Variants in CACNA1H observed in about 807,000 individuals in gnomAD.
The protein encoded by CACNA1H is voltage-dependent T-type calcium channel subunit alpha-1H.
In CACNA1H, 149 loss-of-function variants were observed where a neutral mutation model predicts 192.5. The observed-to-expected ratio is 0.77, with a 90% CI of 0.68 to 0.89. The LOEUF is 0.89. Among genes scored for constraint, CACNA1H ranks in the 40% least tolerant of loss-of-function variants. CACNA1H has a pLI of 0.00. For missense variants in CACNA1H, 4,257 were observed against 3,423.5 expected (o/e 1.24, Z -6.08); for synonymous variants, 2,202 against 1,475.2 (o/e 1.49, Z -11.29).
intron 26 of CACNA1H, 73 bp downstream of exon 26, chr16:1,212,601 G>T: frequency 5.8e-6 from 9 of 1,545,682 alleles, no homozygotes; most frequent in Non-Finnish European, 7.9e-6. Context: ...GGCATCCCAG[G>T]CCTGCTGGGG....
At chr16:1,218,744 A>G in intron 33 of CACNA1H, 93 bp downstream of exon 33, 1 of 1,304,136 alleles carries the variant, frequency 7.7e-7, no homozygotes, top group Admixed American at 2.2e-5. Context: ...GTCAGGCCAG[A>G]GCAGGGCAAG....
chr16:1,176,370 C>A (rs1439949604), intron 2 of CACNA1H, among the ~76,000 whole-genome samples: 1 of 152,226 alleles, frequency 6.6e-6, no homozygotes, highest in Non-Finnish European at 1.5e-5. Context: ...GACAGCCAGG[C>A]ATGGGTCTGG....
intron 2 of CACNA1H, among the ~76,000 whole-genome samples, chr16:1,154,949 C>T (rs1001967963): frequency 6.6e-6 from 1 of 152,144 alleles, no homozygotes; most frequent in Non-Finnish European, 1.5e-5. Flanking sequence ...TCTGAGCCGG[C>T]AGCTGGGGTG....
At chr16:1,190,245 G>A (rs542371079) in intron 2 of CACNA1H, among the ~76,000 whole-genome samples, 64 of 152,380 alleles carry the variant, frequency 4.2e-4, no homozygotes, top group Middle Eastern at 6.8e-3. Flanking sequence ...TCTCCGACCC[G>A]CAGTGGAAAT....
chr16:1,208,366 C>T (rs961033794), intron 16 of CACNA1H, 145 bp downstream of exon 16: 18 of 686,956 alleles, frequency 2.6e-5, no homozygotes, highest in Non-Finnish European at 3.8e-5. Flanking sequence ...AAAGAGTGTT[C>T]TGGTTTCCGG....
chr16:1,174,373 C>T (rs1391109928), intron 2 of CACNA1H, among the ~76,000 whole-genome samples: 1 of 152,192 alleles, frequency 6.6e-6, no homozygotes, highest in Non-Finnish European at 1.5e-5. Flanking sequence ...TCACAGCAGC[C>T]AAGCATGAAT....
In CACNA1H at chr16:1,202,272, C is replaced by T. The variant is rs1968040243; in HGVS notation, c.1822C>T (p.Leu608=). Residue 608 remains leucine, a synonymous_variant, in exon 9 of 35, where the codon CTG becomes TTG. Coordinates refer to ENST00000348261, the MANE Select transcript of CACNA1H (RefSeq NM_021098.3). ...AAASLRLATG[L]GTMNYPTILP... ...TGCCAGCCTCAGACTGGCCACAGGG[C>T]TGGGCACCATGAACTACCCCACGAT... 1.3e-6 allele frequency: 2 copies of T among 1,578,974 alleles called. No homozygotes were observed. Among genetic ancestry groups the T allele is most frequent in the Non-Finnish European group, 1.7e-6 (2 of 1,164,698 alleles).
intron 26 of CACNA1H, among the ~76,000 whole-genome samples, chr16:1,213,094 C>T (rs749147932): frequency 2.0e-5 from 3 of 152,232 alleles, no homozygotes; most frequent in Non-Finnish European, 4.4e-5. Flanking sequence ...GCACACCTGC[C>T]TGGGGGACAC....
intron 2 of CACNA1H, among the ~76,000 whole-genome samples, chr16:1,170,917 C>T (rs1034426374): frequency 1.3e-5 from 2 of 152,162 alleles, no homozygotes; most frequent in African/African-American, 2.4e-5. Context: ...CAGTGGTTCC[C>T]GTGTGGAGGG....
At chr16:1,153,619 AAAGAC>A in intron 1 of CACNA1H, 96 bp from the exon 2 acceptor site, 1 of 704,784 alleles carries the variant, frequency 1.4e-6, no homozygotes, top group Non-Finnish European at 1.9e-6. Flanking sequence ...AAGAAAAGAC[AAAGAC>A]ATCCCGGCGG....
chr16:1,211,036 T>C (rs930263863), intron 21 of CACNA1H, 65 bp downstream of exon 21: 2 of 1,555,662 alleles, frequency 1.3e-6, no homozygotes, highest in African/African-American at 2.7e-5. Context: ...CCACTGCCCA[T>C]TACTCCTCCC....
chr16:1,176,373 G>C (rs1402446467), intron 2 of CACNA1H, among the ~76,000 whole-genome samples: 3 of 152,248 alleles, frequency 2.0e-5, no homozygotes, highest in African/African-American at 7.2e-5. Context: ...AGCCAGGCAT[G>C]GGTCTGGGAG....
chr16:1,217,301 A>G (rs1970107652), intron 31 of CACNA1H, among the ~76,000 whole-genome samples: 2 of 152,242 alleles, frequency 1.3e-5, no homozygotes, highest in Admixed American at 6.5e-5. Flanking sequence ...AAGAACACCT[A>G]GAGACGTGCA....
rs200675829 is a variant in CACNA1H at position 1,220,449 on chromosome 16, C to T, written c.6517C>T (p.Pro2173Ser). ...GEPGEAKAWG[P>S]EAEPALGARR... ...GCCTGGGGAGGCGAAGGCCTGGGGCCCTGAGGCCGAGCCCGCTCTGGGTGC... is the reference window on the plus strand; with the variant it reads ...GCCTGGGGAGGCGAAGGCCTGGGGCTCTGAGGCCGAGCCCGCTCTGGGTGC... The change falls in exon 35 of 35, where the codon CCT becomes TCT. Residue 2173 changes from proline to serine, a missense_variant. Pro to Ser is a moderately conservative substitution (Grantham distance 74). Coordinates refer to ENST00000348261, the MANE Select transcript of CACNA1H (RefSeq NM_021098.3). The T allele has an allele frequency of 1.6e-4, 251 of 1,540,922 alleles. 2 individuals are homozygous for T. In the East Asian group the frequency reaches 3.9e-3, roughly 24 times the overall value.
Position 1,198,714 on chromosome 16 carries a change from G to C in CACNA1H, c.743G>C (p.Gly248Ala). The change falls in exon 6 of 35, where the codon GGC (glycine) becomes GCC (alanine). Residue 248 changes from glycine (G) to alanine (A), a missense_variant. Physicochemically the swap from Gly to Ala is moderately conservative, Grantham distance 60 (BLOSUM62 0). Coordinates refer to ENST00000348261, the MANE Select transcript of CACNA1H (RefSeq NM_021098.3). ...GTCTTCTTCATTTTCGGCATCGTTGGCGTCCAGCTCTGGGCTGGCCTCCTG... is the reference window on the plus strand; with the variant it reads ...GTCTTCTTCATTTTCGGCATCGTTGCCGTCCAGCTCTGGGCTGGCCTCCTG... ...FFVFFIFGIV[G>A]VQLWAGLLRN... 1.9e-6 allele frequency: 3 copies of C among 1,613,270 alleles called. No homozygotes were observed. The highest frequency in any genetic ancestry group is 1.7e-6 in the Non-Finnish European group (2 of 1,179,620).
chr16:1,206,160 G>GGCT lies in CACNA1H; in HGVS notation c.2666_2668dup (p.Leu889dup). The GGCT allele has an allele frequency of 6.3e-7, 1 of 1,585,690 alleles. No homozygotes were observed. The highest frequency in any genetic ancestry group is 8.6e-7 in the Non-Finnish European group (1 of 1,167,872). On this transcript the variant is annotated inframe_insertion, in exon 12 of 35. Transcript: ENST00000348261. ...GGCTTGTCTGTGCTGCGCACCTTCC[G>GGCT]GCTGCTGCGTGTGCTGAAGCTGGTG...
chr16:1,191,079 G>A (rs1208774237), intron 2 of CACNA1H, among the ~76,000 whole-genome samples: 1 of 123,856 alleles, frequency 8.1e-6, no homozygotes, highest in Non-Finnish European at 1.7e-5. Flanking sequence ...AGGCACACTC[G>A]GGGTCTCTCT....
intron 2 of CACNA1H, among the ~76,000 whole-genome samples, chr16:1,166,196 C>T (rs928156698): frequency 6.6e-6 from 1 of 152,194 alleles, no homozygotes; most frequent in African/African-American, 2.4e-5. Flanking sequence ...GTGCCTCTTG[C>T]CCCTGGGGGC....
rs58216775 is a variant in CACNA1H at position 1,212,544 on chromosome 16, C to G, written c.4777+16C>G. The G allele has an allele frequency of 1.2e-6, 2 of 1,609,348 alleles. No individual in the cohort carries two copies. The highest frequency in any genetic ancestry group is 1.3e-5 in the African/African-American group (1 of 74,828). ...CCCAGCCCAGGTACCGGCCCTGTCC[C>G]GCATGCCTCAGGCCCCGCTTCTGCG... is the stretch of plus-strand genomic sequence containing the variant. On this transcript the variant is annotated intron_variant, in intron 26 of 34. Transcript: ENST00000348261.
Sources: allele counts gnomAD v4.1 joint callset (sites outside exome capture counted in the v4.1 genomes callset), GRCh38; gene constraint gnomAD v4.1.1; transcripts MANE v1.5; gene names NCBI Gene and HGNC (gene_info 2026-07-23, HGNC 2026-07-21).